MFSD2A: variants seen among roughly 807,000 people sequenced by gnomAD.
MFSD2A encodes the protein sodium-dependent lysophosphatidylcholine symporter 1.
MFSD2A carries 27 observed loss-of-function variants against 64.7 expected under a neutral mutation model. That is an observed-to-expected ratio of 0.42 (90% confidence interval 0.31 to 0.58). The LOEUF is 0.58. Ranked by LOEUF, MFSD2A falls within the 20% of genes least tolerant of loss-of-function variation. The pLI is 0.18. For missense variants in MFSD2A, 474 were observed against 679.5 expected, an observed-to-expected ratio of 0.70 and a Z score of 3.36; for synonymous variants, 258 against 273.4, an observed-to-expected ratio of 0.94 and a Z score of 0.55.
At position 39,963,929 on chromosome 1, in the gene MFSD2A, T is replaced by A. The variant is rs1370917710; in HGVS notation, c.354-1282T>A. On this transcript the variant is annotated intron_variant, in intron 3 of 13. Transcript: ENST00000372811. This position sits in a 1 kb window ranked among gnomAD's most constrained non-coding sequence, Gnocchi z 4.2. ...TTTGTATTTTTAGTAGAGACGGAGG[T>A]TTCGCCATGTTGGGCAGGCTGGTCT... Among the ~76,000 whole-genome samples the A allele has an allele frequency of 6.6e-6, 1 of 152,026 alleles. No homozygotes were observed. Among genetic ancestry groups the A allele is most frequent in the East Asian group, 1.9e-4 (1 of 5,186 alleles).
At position 39,966,851 on chromosome 1, in the gene MFSD2A, C is replaced by T; in HGVS notation, c.846C>T (p.Phe282=). Residue 282 remains phenylalanine (F), a synonymous_variant, in exon 8 of 14, where the codon TTC becomes TTT. Coordinates refer to ENST00000372811, the MANE Select transcript of MFSD2A (RefSeq NM_032793.5). ...AGCAGTCTGAGCCAATCGCCTACTT[C>T]CGGGGCCTACGGCTGGTCATGAGCC... The part of the protein sequence containing the change: ...EAQQSEPIAY[F]RGLRLVMSHG... The T allele has an allele frequency of 6.2e-7, 1 of 1,614,098 alleles. No individual in the cohort carries two copies. The highest frequency in any genetic ancestry group is 8.5e-7 in the Non-Finnish European group (1 of 1,180,044).
At position 39,969,876 on chromosome 1, in the gene MFSD2A, G is replaced by A. The variant is rs1645245719; in HGVS notation, c.*308G>A. On this transcript the variant is annotated 3_prime_UTR_variant, in exon 14 of 14. Coordinates refer to ENST00000372811, the MANE Select transcript of MFSD2A (RefSeq NM_032793.5). ...TACAGAGCCTAATTAATAACTTAAT[G>A]ACTGTGTACATAGCAATGTGTGTGT... 2 of 428,692 alleles carry A rather than the reference G, an allele frequency of 4.7e-6. No homozygotes were observed. Among genetic ancestry groups the A allele is most frequent in the African/African-American group, 2.1e-5 (1 of 47,914 alleles). 26.6% of individuals were successfully genotyped at this position (428,692 alleles called of 1,614,324 possible).
In MFSD2A at chr1:39,958,814, C is replaced by A. The variant is rs1315227628; in HGVS notation, c.342C>A (p.Arg114=). ...ISKSPWTCLG[R]LMPWIIFSTP... ...AATCCCCCTGGACCTGCCTGGGTCG[C>A]CTTATGCCCTGGTGAGTAGAATATG... Residue 114 remains arginine (R), a synonymous_variant, in exon 3 of 14, where the codon CGC becomes CGA. Coordinates refer to ENST00000372811, the MANE Select transcript of MFSD2A (RefSeq NM_032793.5). The surrounding 1 kb of genome is among the most constrained non-coding windows in gnomAD (Gnocchi z 4.7). 6.2e-7 allele frequency: 1 copy of A among 1,609,880 alleles called. No homozygotes were observed.
chr1:39,962,843 G>A, intron 3 of MFSD2A: 3 of 1,522,258 alleles, frequency 2.0e-6, no homozygotes, highest in African/African-American at 1.4e-5. Context: ...TTTTCCTGGG[G>A]GCCTCTCTCA....
chr1:39,956,981 A>T, intron 1 of MFSD2A, 106 bp from the exon 2 acceptor site: 1 of 862,088 alleles, frequency 1.2e-6, no homozygotes, highest in East Asian at 3.4e-5. Context: ...GTCAAAGCAG[A>T]GTTGTTTGTT....
chr1:39,957,458 A>G (rs1305957404), intron 2 of MFSD2A, among the ~76,000 whole-genome samples: 1 of 152,232 alleles, frequency 6.6e-6, no homozygotes, highest in Non-Finnish European at 1.5e-5. Context: ...CTTGCCTGGC[A>G]TGAGCAACAG....
intron 1 of MFSD2A, among the ~76,000 whole-genome samples, chr1:39,956,354 C>T (rs1570232413): frequency 6.6e-6 from 1 of 152,204 alleles, no homozygotes; most frequent in Non-Finnish European, 1.5e-5. Flanking sequence ...GGCCGGGCCC[C>T]CGTAGCTCTC....
Position 39,968,146 on chromosome 1 carries a change from G to A in MFSD2A, c.1209-188G>A, listed in dbSNP as rs146664473. On this transcript the variant is annotated intron_variant, in intron 11 of 13. Coordinates refer to ENST00000372811, the MANE Select transcript of MFSD2A (RefSeq NM_032793.5). This position sits in a 1 kb window ranked among gnomAD's most constrained non-coding sequence, Gnocchi z 4.4. ...ATCTGGCCTGGGCTCCACTTGCCAC[G>A]CTGAGCACCTCCAGGCAGGGTTACT... 80 of 729,670 alleles carry A rather than the reference G, an allele frequency of 1.1e-4. No homozygotes were observed. The highest frequency in any genetic ancestry group is 1.4e-4 in the Non-Finnish European group (63 of 453,218). 45.2% of individuals were successfully genotyped at this position (729,670 alleles called of 1,614,324 possible).
rs531533752 is a variant in MFSD2A, at chr1:39,963,443, TA to T, written c.354-1758del. 5,055 of 485,292 alleles carry T rather than the reference TA, an allele frequency of 0.01. No individual in the cohort carries two copies. The highest frequency in any genetic ancestry group is 0.014 in the South Asian group (464 of 32,400). The allele number at this position is 485,292 out of a possible 1,614,324, so 30.1% of individuals were successfully genotyped here. A position where few individuals can be genotyped will look rare whatever the true frequency, so the allele number is the denominator to read the frequency against. ...GAGAAGTAAAGTGAATTAAGCCTGTTAAAAAAAAAATGTTTACGAGACAGAG... is the reference window on the plus strand; with the variant it reads ...GAGAAGTAAAGTGAATTAAGCCTGTTAAAAAAAAATGTTTACGAGACAGAG... On this transcript the variant is annotated intron_variant, in intron 3 of 13. Coordinates refer to ENST00000372811, the MANE Select transcript of MFSD2A (RefSeq NM_032793.5). This position sits in a 1 kb window ranked among gnomAD's most constrained non-coding sequence, Gnocchi z 4.2.
intron 3 of MFSD2A, among the ~76,000 whole-genome samples, chr1:39,962,469 C>T (rs1167803000): frequency 6.6e-6 from 1 of 152,254 alleles, no homozygotes; most frequent in Non-Finnish European, 1.5e-5. Flanking sequence ...TGTAAAACTA[C>T]GGTAAAGTAT....
In MFSD2A at chr1:39,960,026, C is replaced by A. The variant is rs55917020; in HGVS notation, c.353+1201C>A. The stretch of plus-strand genomic sequence containing the variant: ...GCAGAGCAGGGGATGGGGTAATACC[C>A]GGAATGGGGTAGCAAACCCATAACC... On this transcript the variant is annotated intron_variant, in intron 3 of 13. Coordinates refer to ENST00000372811, the MANE Select transcript of MFSD2A (RefSeq NM_032793.5). This position sits in a 1 kb window ranked among gnomAD's most constrained non-coding sequence, Gnocchi z 4.8. Among the ~76,000 whole-genome samples the A allele has an allele frequency of 1.3e-5, 2 of 152,226 alleles. No individual in the cohort carries two copies. Among genetic ancestry groups the A allele is most frequent in the Non-Finnish European group, 2.9e-5 (2 of 68,042 alleles).
rs903532398 is a variant in MFSD2A at position 39,965,057 on chromosome 1, A to G, written c.354-154A>G. The stretch of plus-strand genomic sequence containing the variant: ...GGCTTGGTCATCAGCCTCTTCCCAG[A>G]GGCCCAGGATGGGTGGATTTGGCAG... On this transcript the variant is annotated intron_variant, in intron 3 of 13. Coordinates refer to ENST00000372811, the MANE Select transcript of MFSD2A (RefSeq NM_032793.5). This position sits in a 1 kb window ranked among gnomAD's most constrained non-coding sequence, Gnocchi z 5.5. 3 of 1,036,248 alleles carry G rather than the reference A, an allele frequency of 2.9e-6. No individual in the cohort carries two copies. The highest frequency in any genetic ancestry group is 1.6e-5 in the African/African-American group (1 of 61,750). 64.2% of individuals were successfully genotyped at this position (1,036,248 alleles called of 1,614,324 possible).
Position 39,965,886 on chromosome 1 carries a change from C to T in MFSD2A, c.586C>T (p.Leu196=). 1 of 1,614,064 alleles carries T rather than the reference C, an allele frequency of 6.2e-7. No homozygotes were observed. The highest frequency in any genetic ancestry group is 8.5e-7 in the Non-Finnish European group (1 of 1,180,042). The change falls in exon 6 of 14, where the codon CTG becomes TTG. Residue 196 remains leucine (L), a synonymous_variant. Transcript: ENST00000372811. This position sits in a 1 kb window ranked among gnomAD's most constrained non-coding sequence, Gnocchi z 5.5. ...GACTGTGGAAGTGCTGGGCACAGTG[C>T]TGGGCACGGCGATCCAGGGACAAAT... The part of the protein sequence containing the change: ...RMTVEVLGTV[L]GTAIQGQIVG...
In MFSD2A at chr1:39,967,852, A is replaced by G. The variant is rs1370076210; in HGVS notation, c.1144A>G (p.Ile382Val). ...GGTGGCCCTCATGGAGAGTAACCTC[A>G]TCATTACATATGCGGTAGCTGTGGC... Reference protein sequence around the residue: ...ILVALMESNLIITYAVAVAAG... With the variant: ...ILVALMESNLVITYAVAVAAG... Residue 382 changes from isoleucine to valine, a missense_variant, in exon 11 of 14, where the codon ATC becomes GTC. Transcript: ENST00000372811. 1.1e-5 allele frequency: 18 copies of G among 1,614,034 alleles called. No individual in the cohort carries two copies. The highest frequency in any genetic ancestry group is 1.5e-5 in the Non-Finnish European group (18 of 1,179,948).
Position 39,957,092 on chromosome 1 carries a change from A to G in MFSD2A, c.99A>G (p.Glu33=). 1.9e-6 allele frequency: 3 copies of G among 1,614,144 alleles called. No homozygotes were observed. The highest frequency in any genetic ancestry group is 2.5e-6 in the Non-Finnish European group (3 of 1,180,024). ...STERPAQVKK[E]PKKKKQQLSV... ...TCTTTTCCTCCTCTTCCCAGAAAGAACCGAAAAAGAAGAAACAACAGTTGT... is the reference window on the plus strand; with the variant it reads ...TCTTTTCCTCCTCTTCCCAGAAAGAGCCGAAAAAGAAGAAACAACAGTTGT... Residue 33 remains glutamate (E), a synonymous_variant, in exon 2 of 14, where the codon GAA becomes GAG. Transcript: ENST00000372811.
In MFSD2A at chr1:39,955,273, A is replaced by G. The variant is rs2124751226; in HGVS notation, c.-20A>G. The stretch of plus-strand genomic sequence containing the variant: ...GGAGCATCCCGTCTACCAGGTCCCA[A>G]GCGGCGTGGCCCGCGGGTCATGGCC... On this transcript the variant is annotated 5_prime_UTR_variant, in exon 1 of 14. Transcript: ENST00000372811. The surrounding 1 kb of genome is among the most constrained non-coding windows in gnomAD (Gnocchi z 5.9). The G allele has an allele frequency of 7.1e-7, 1 of 1,403,276 alleles. No homozygotes were observed. The highest frequency in any genetic ancestry group is 1.5e-5 in the African/African-American group (1 of 67,596). The allele number at this position is 1,403,276 out of a possible 1,614,324, so 86.9% of individuals were successfully genotyped here. A position where few individuals can be genotyped will look rare whatever the true frequency, so the allele number is the denominator to read the frequency against.
At position 39,955,803 on chromosome 1, in the gene MFSD2A, T is replaced by A; in HGVS notation, c.93+418T>A. On this transcript the variant is annotated intron_variant, in intron 1 of 13. Transcript: ENST00000372811. The surrounding 1 kb of genome is among the most constrained non-coding windows in gnomAD (Gnocchi z 5.9). ...ACCTACTCTTGCGCCTCAACTCTGC[T>A]GTTAGGGCCGCTCAAGTTCATTCAT... 2.8e-6 allele frequency: 1 copy of A among 362,180 alleles called. No individual in the cohort carries two copies. The highest frequency in any genetic ancestry group is 5.4e-6 in the Non-Finnish European group (1 of 184,604). The allele number at this position is 362,180 out of a possible 1,614,324, so 22.4% of individuals were successfully genotyped here.
chr1:39,969,509 G>A lies in MFSD2A; in HGVS notation c.1534G>A (p.Glu512Lys), dbSNP rs1397509765. ...CATCTCCTCTCTCTCTTGCAGGGACGAGGCCAGCAGCTCTGGCTGCTCAGA... is the reference window on the plus strand; with the variant it reads ...CATCTCCTCTCTCTCTTGCAGGGACAAGGCCAGCAGCTCTGGCTGCTCAGA... ...NKKALQALRD[E>K]ASSSGCSETD... Residue 512 changes from glutamate to lysine, a missense_variant, in exon 14 of 14, where the codon GAG becomes AAG. Transcript: ENST00000372811. 3.1e-6 allele frequency: 5 copies of A among 1,597,852 alleles called. No homozygotes were observed. The highest frequency in any genetic ancestry group is 2.3e-5 in the East Asian group (1 of 43,244).
chr1:39,969,760 C>A lies in MFSD2A; in HGVS notation c.*192C>A. On this transcript the variant is annotated 3_prime_UTR_variant, in exon 14 of 14. Transcript: ENST00000372811. ...TGGCCTCCTGCCTCCCCTCTGCCTGCCTGTGGGGCCAAGCCCTGGGGCTGC... is the reference window on the plus strand; with the variant it reads ...TGGCCTCCTGCCTCCCCTCTGCCTGACTGTGGGGCCAAGCCCTGGGGCTGC... 3.4e-6 allele frequency: 2 copies of A among 590,686 alleles called. No individual in the cohort carries two copies. The highest frequency in any genetic ancestry group is 6.0e-6 in the Non-Finnish European group (2 of 335,916). The allele number at this position is 590,686 out of a possible 1,614,324, so 36.6% of individuals were successfully genotyped here.
Sources: gnomAD v4.1 joint callset for allele counts (sites outside exome capture counted in the v4.1 genomes callset) on GRCh38, gnomAD v4.1.1 for gene constraint, Gnocchi (gnomAD v3.1) non-coding constraint, MANE v1.5 for transcripts, NCBI Gene and HGNC (gene_info 2026-07-23, HGNC 2026-07-21) for gene names.